The following ROBO2 variants were observed in gnomAD, a reference collection of about 807,000 sequenced individuals.
ROBO2 encodes the protein roundabout homolog 2.
In ROBO2, 53 loss-of-function variants were observed where a neutral mutation model predicts 160.8. The ratio of observed to expected loss-of-function variants is 0.33; its 90% CI spans 0.26 to 0.41. The LOEUF is 0.41. ROBO2 is among the 10% of genes least tolerant of loss of function. ROBO2 has a pLI of 1.00. For synonymous variants in ROBO2, 664 were observed against 611.7 expected, an observed-to-expected ratio of 1.09 and a Z score of -1.26; for missense variants, 1,577 against 1,722.4, an observed-to-expected ratio of 0.92 and a Z score of 1.49.
intron 2 of ROBO2, among the ~76,000 whole-genome samples, chr3:77,131,480 G>T (rs894588555): frequency 6.6e-6 from 1 of 152,032 alleles, no homozygotes; most frequent in Admixed American, 6.6e-5. Flanking sequence ...TGCATTAGTG[G>T]TTAAAGAATG....
At chr3:77,597,800 T>C (rs2094341806) in intron 19 of ROBO2, among the ~76,000 whole-genome samples, 2 of 152,264 alleles carry the variant, frequency 1.3e-5, no homozygotes, top group Non-Finnish European at 2.9e-5. Flanking sequence ...AATGGAGGAA[T>C]TTCCTAATGA....
intron 2 of ROBO2, among the ~76,000 whole-genome samples, chr3:76,687,234 C>G (rs1433393893): frequency 6.6e-6 from 1 of 151,942 alleles, no homozygotes; most frequent in Non-Finnish European, 1.5e-5. Flanking sequence ...TCCAGGCTAC[C>G]TGGGGTCAAA....
chr3:77,574,735 G>A lies in ROBO2; in HGVS notation c.2203+5G>A. 6.2e-7 allele frequency: 1 copy of A among 1,605,036 alleles called. No individual in the cohort carries two copies. The highest frequency in any genetic ancestry group is 8.5e-7 in the Non-Finnish European group (1 of 1,172,324). On this transcript the variant is annotated splice_donor_5th_base_variant and intron_variant, in intron 14 of 25. Transcript: ENST00000461745. ...CGGTTCGTACTACTGAAGAAGGTCA[G>A]TATTCAGATTTCGAATATAAATCAA...
intron 2 of ROBO2, among the ~76,000 whole-genome samples, chr3:77,186,546 A>C (rs2081303361): frequency 6.6e-6 from 1 of 151,708 alleles, no homozygotes; most frequent in African/African-American, 2.4e-5. Flanking sequence ...AATGCAAAAG[A>C]GATTATACGG....
rs1280628045 is a variant in ROBO2, at chr3:76,669,117, A to G, written c.110-428897A>G. Among the ~76,000 whole-genome samples, 5 of 152,024 alleles carry G rather than the reference A, an allele frequency of 3.3e-5. No homozygotes were observed. In the East Asian group the frequency reaches 9.7e-4, roughly 29 times the overall value. On this transcript the variant is annotated intron_variant, in intron 2 of 26. Coordinates refer to the ROBO2 transcript ENST00000487694. Reference sequence around the variant, plus strand: ...TATGAAAACAGGCTCCTCTGACCCTACGGAATGGGAAGCACCCTCTTTTCA... The same window carrying G: ...TATGAAAACAGGCTCCTCTGACCCTGCGGAATGGGAAGCACCCTCTTTTCA...
intron 2 of ROBO2, among the ~76,000 whole-genome samples, chr3:76,757,954 A>C (rs934437683): frequency 6.6e-6 from 1 of 151,758 alleles, no homozygotes; most frequent in African/African-American, 2.4e-5. Flanking sequence ...TTAAGGGAGA[A>C]CCAGAGCCTC....
intron 2 of ROBO2, among the ~76,000 whole-genome samples, chr3:76,786,045 T>G (rs554629363): frequency 2.0e-5 from 3 of 151,366 alleles, no homozygotes; most frequent in Non-Finnish European, 4.4e-5. Flanking sequence ...TGGATGTATA[T>G]CAACATATAT....
chr3:76,005,371 G>A (rs1043917301), intron 2 of ROBO2, among the ~76,000 whole-genome samples: 5 of 152,290 alleles, frequency 3.3e-5, no homozygotes, highest in African/African-American at 1.2e-4. Flanking sequence ...ATATTCTACA[G>A]CTTGAGCCTT....
intron 2 of ROBO2, among the ~76,000 whole-genome samples, chr3:76,606,747 G>T (rs922486368): frequency 6.6e-6 from 1 of 151,910 alleles, no homozygotes. Flanking sequence ...ACAGACAAAG[G>T]AGAAACCAGA....
chr3:76,601,997 C>G (rs2087185682), intron 2 of ROBO2, among the ~76,000 whole-genome samples: 1 of 152,160 alleles, frequency 6.6e-6, no homozygotes, highest in Non-Finnish European at 1.5e-5. Flanking sequence ...TCATCTCTCT[C>G]AAGTTCAAAG....
chr3:76,886,440 C>G (rs1295520467), intron 2 of ROBO2, among the ~76,000 whole-genome samples: 1 of 151,688 alleles, frequency 6.6e-6, no homozygotes, highest in Non-Finnish European at 1.5e-5. Flanking sequence ...CAATAAAGAT[C>G]AGTAAGCCCA....
chr3:76,523,395 C>T (rs1248395217), intron 2 of ROBO2, among the ~76,000 whole-genome samples: 2 of 152,014 alleles, frequency 1.3e-5, no homozygotes, highest in Non-Finnish European at 2.9e-5. Context: ...GAATTTTCTG[C>T]CTTTTTCCTT....
intron 2 of ROBO2, among the ~76,000 whole-genome samples, chr3:76,832,449 A>T (rs1363638020): frequency 6.6e-6 from 1 of 152,102 alleles, no homozygotes; most frequent in Non-Finnish European, 1.5e-5. Flanking sequence ...CCAAACACAT[A>T]AAAAAACTGA....
At chr3:76,555,584 C>G (rs1326468708) in intron 2 of ROBO2, among the ~76,000 whole-genome samples, 1 of 152,066 alleles carries the variant, frequency 6.6e-6, no homozygotes, top group Non-Finnish European at 1.5e-5. Flanking sequence ...AGAGGGGTAA[C>G]AGGAGAAGAT....
intron 16 of ROBO2, among the ~76,000 whole-genome samples, chr3:77,585,458 C>T (rs1021442015): frequency 1.4e-4 from 21 of 151,936 alleles, no homozygotes; most frequent in Middle Eastern, 3.4e-3. Flanking sequence ...TAATGAGTAC[C>T]TTTTAATTTA....
chr3:76,840,207 T>C (rs1322386964), intron 2 of ROBO2, among the ~76,000 whole-genome samples: 4 of 152,196 alleles, frequency 2.6e-5, no homozygotes, highest in Non-Finnish European at 5.9e-5. Flanking sequence ...TCTGTTTTAT[T>C]TCTTTTTTTT....
intron 6 of ROBO2, among the ~76,000 whole-genome samples, chr3:77,530,246 A>G (rs774420065): frequency 6.6e-6 from 1 of 151,988 alleles, no homozygotes; most frequent in Admixed American, 6.6e-5. Flanking sequence ...ATTTCAGATC[A>G]TAGTTTCTGC....
chr3:77,516,568 A>C (rs1306642368), intron 5 of ROBO2, among the ~76,000 whole-genome samples: 2 of 151,560 alleles, frequency 1.3e-5, no homozygotes, highest in Non-Finnish European at 3.0e-5. Flanking sequence ...GCGGAGAGAG[A>C]GAAATTATTT....
intron 2 of ROBO2, among the ~76,000 whole-genome samples, chr3:77,414,405 G>A (rs375410487): frequency 2.6e-5 from 4 of 152,208 alleles, no homozygotes; most frequent in East Asian, 3.9e-4. Flanking sequence ...CCTGCAGTAC[G>A]GGGAAGAAGG....
Sources: gnomAD v4.1 joint callset for allele counts (sites outside exome capture counted in the v4.1 genomes callset) on GRCh38, gnomAD v4.1.1 for gene constraint, MANE v1.5 for transcripts, NCBI Gene and HGNC (gene_info 2026-07-23, HGNC 2026-07-21) for gene names.